RBFOX1: variants seen among roughly 807,000 people sequenced by gnomAD.
The protein encoded by RBFOX1 is RNA binding fox-1 homolog 1.
In RBFOX1, 8 loss-of-function variants were observed where a neutral mutation model predicts 57.7. That is an observed-to-expected ratio of 0.14 (90% confidence interval 0.08 to 0.25). RBFOX1 has a LOEUF of 0.25. RBFOX1 is among the 10% of genes least tolerant of loss of function. RBFOX1 has a pLI of 1.00. For missense variants in RBFOX1, 611 were observed against 548.5 expected (o/e 1.11, Z -1.14); for synonymous variants, 326 against 222.4 (o/e 1.47, Z -4.15).
chr16:7,053,914 A>G (rs550517497), intron 4 of RBFOX1, among the ~76,000 whole-genome samples: 8 of 152,208 alleles, frequency 5.3e-5, no homozygotes, highest in African/African-American at 1.4e-4. Context: ...ATTTGATTGG[A>G]TAGAGCACAC....
intron 3 of RBFOX1, among the ~76,000 whole-genome samples, chr16:5,815,155 A>ATTTT (rs1491210265): frequency 2.1e-5 from 2 of 97,354 alleles, no homozygotes; most frequent in African/African-American, 7.9e-5. Flanking sequence ...AATTTAATTT[A>ATTTT]ATTTTTTTTT....
chr16:7,280,319 C>A (rs2095516360), intron 4 of RBFOX1, among the ~76,000 whole-genome samples: 1 of 152,214 alleles, frequency 6.6e-6, no homozygotes, highest in Non-Finnish European at 1.5e-5. Context: ...AGAATAGAGT[C>A]CTTCTTCTCC....
At position 7,152,433 on chromosome 16, in the gene RBFOX1, A is replaced by C. The variant is rs79374729; in HGVS notation, c.27+100335A>C. On this transcript the variant is annotated intron_variant, in intron 4 of 15. Coordinates refer to ENST00000550418, the MANE Select transcript of RBFOX1 (RefSeq NM_018723.4). ...CCCGATAGCCAAAGAAATTGCCATC[A>C]ATTGTTAATGGTTATCATAGTTCAA... is the stretch of plus-strand genomic sequence containing the variant. Among the ~76,000 whole-genome samples the C allele has an allele frequency of 7.6e-3, 1,153 of 152,308 alleles. 17 individuals carry two copies. The highest frequency in any genetic ancestry group is 0.026 in the African/African-American group (1,085 of 41,560).
intron 4 of RBFOX1, among the ~76,000 whole-genome samples, chr16:7,288,007 A>G (rs992014586): frequency 1.3e-5 from 2 of 152,076 alleles, no homozygotes; most frequent in Admixed American, 6.6e-5. Flanking sequence ...TCTCGTGTGT[A>G]TTTGCTGGCT....
intron 4 of RBFOX1, among the ~76,000 whole-genome samples, chr16:7,154,721 G>GTGTGTGTGTT (rs1555515534): frequency 6.8e-6 from 1 of 147,866 alleles, no homozygotes; most frequent in African/African-American, 2.5e-5. Context: ...GTGTGTGTGT[G>GTGTGTGTGTT]TGTGTGTGTG....
chr16:6,793,114 T>C (rs76672342), intron 3 of RBFOX1, among the ~76,000 whole-genome samples: 2,659 of 152,168 alleles, frequency 0.017, 90 homozygotes, highest in African/African-American at 0.061. Context: ...AAGTTCATGG[T>C]ACGCCTGCTG....
intron 2 of RBFOX1, among the ~76,000 whole-genome samples, chr16:6,605,193 C>A (rs1181757040): frequency 6.6e-6 from 1 of 152,018 alleles, no homozygotes. Flanking sequence ...GAGATGTGAT[C>A]AAACCACTGT....
chr16:5,731,905 A>C (rs935927240), intron 3 of RBFOX1, among the ~76,000 whole-genome samples: 3 of 152,118 alleles, frequency 2.0e-5, no homozygotes, highest in Non-Finnish European at 4.4e-5. Flanking sequence ...TCAGTAGCCT[A>C]TTATCTTGTC....
intron 4 of RBFOX1, among the ~76,000 whole-genome samples, chr16:7,233,972 T>G (rs750047383): frequency 6.5e-4 from 99 of 152,304 alleles, no homozygotes; most frequent in Non-Finnish European, 1.2e-3. Flanking sequence ...AGAATAGAAG[T>G]GAATGAGCTT....
chr16:6,678,520 C>A (rs77823125), intron 3 of RBFOX1, among the ~76,000 whole-genome samples: 2,315 of 151,576 alleles, frequency 0.015, 37 homozygotes, highest in African/African-American at 0.049. Flanking sequence ...TTTACACTTA[C>A]AAAATAAAGA....
At chr16:6,959,472 C>A (rs1183132868) in intron 3 of RBFOX1, among the ~76,000 whole-genome samples, 1 of 152,132 alleles carries the variant, frequency 6.6e-6, no homozygotes, top group African/African-American at 2.4e-5. Context: ...GTTTCTAGGC[C>A]TGATCTCAAG....
chr16:5,798,254 A>C (rs986328503), intron 3 of RBFOX1, among the ~76,000 whole-genome samples: 2 of 152,228 alleles, frequency 1.3e-5, no homozygotes, highest in African/African-American at 2.4e-5. Flanking sequence ...CATTAGTAAT[A>C]TTCTAAATGA....
chr16:5,925,393 A>G (rs2058919789), intron 4 of RBFOX1, among the ~76,000 whole-genome samples: 1 of 152,204 alleles, frequency 6.6e-6, no homozygotes, highest in Non-Finnish European at 1.5e-5. Context: ...CTTAGTAGAA[A>G]AAACTAGACC....
chr16:6,151,654 C>T lies in RBFOX1; in HGVS notation c.-127+131662C>T, dbSNP rs377691749. On this transcript the variant is annotated intron_variant, in intron 1 of 15. Transcript: ENST00000550418. ...TAGATTACAGCCCAAATATCACAATCGTAATTGAAACAGATTTGTTTGTTA... is the reference window on the plus strand; with the variant it reads ...TAGATTACAGCCCAAATATCACAATTGTAATTGAAACAGATTTGTTTGTTA... 4.6e-5 allele frequency among the ~76,000 whole-genome samples: 7 copies of T among 152,118 alleles called. No homozygotes were observed. The East Asian group carries it at 5.8e-4, about 13-fold the overall frequency.
At chr16:7,102,656 C>T (rs1378405703) in intron 4 of RBFOX1, among the ~76,000 whole-genome samples, 1 of 152,168 alleles carries the variant, frequency 6.6e-6, no homozygotes, top group Non-Finnish European at 1.5e-5. Context: ...CTATTTTCAA[C>T]AGTGAACATT....
At chr16:7,658,572 G>C (rs1226297260) in intron 12 of RBFOX1, among the ~76,000 whole-genome samples, 1 of 152,110 alleles carries the variant, frequency 6.6e-6, no homozygotes, top group African/African-American at 2.4e-5. Flanking sequence ...ACAGCAAGTG[G>C]AGGCTTTGGA....
At chr16:6,409,310 G>C (rs1239402437) in intron 2 of RBFOX1, among the ~76,000 whole-genome samples, 1 of 151,982 alleles carries the variant, frequency 6.6e-6, no homozygotes, top group African/African-American at 2.4e-5. Context: ...GTTACTCAGG[G>C]GGCTGAGGCA....
intron 3 of RBFOX1, among the ~76,000 whole-genome samples, chr16:6,840,619 T>C (rs2093405272): frequency 6.6e-6 from 1 of 152,094 alleles, no homozygotes; most frequent in African/African-American, 2.4e-5. Flanking sequence ...CTGGTCACAG[T>C]GGCTCATACC....
chr16:5,362,085 C>T (rs1160580741), intron 1 of RBFOX1, among the ~76,000 whole-genome samples: 1 of 152,208 alleles, frequency 6.6e-6, no homozygotes, highest in African/African-American at 2.4e-5. Flanking sequence ...TAATATTGAA[C>T]ATGAGATCTG....
Sources: gnomAD v4.1 joint callset for allele counts (sites outside exome capture counted in the v4.1 genomes callset) on GRCh38, gnomAD v4.1.1 for gene constraint, MANE v1.5 for transcripts, NCBI Gene and HGNC (gene_info 2026-07-23, HGNC 2026-07-21) for gene names.